MTUS2: variants seen among roughly 807,000 people sequenced by gnomAD.
MTUS2 encodes the protein microtubule-associated tumor suppressor candidate 2.
Under a neutral mutation model 114.1 loss-of-function variants are expected in MTUS2, and 40 were observed. The ratio of observed to expected loss-of-function variants is 0.35; its 90% CI spans 0.27 to 0.46. The LOEUF (loss-of-function observed/expected upper bound fraction) is 0.46. MTUS2 is among the 20% of genes least tolerant of loss of function. The pLI, the probability that MTUS2 is intolerant of heterozygous loss-of-function variation, is 1.00. For missense variants in MTUS2, 1,679 were observed against 1,705.4 expected (o/e 0.98, Z 0.27); for synonymous variants, 688 against 672.0 (o/e 1.02, Z -0.37).
In MTUS2 at chr13:29,181,788, CTGTGTGTG is replaced by C. The variant is rs34853883; in HGVS notation, c.2644+80846_2644+80853del. ...AGAAATCATTATAATTTATATACTACTGTGTGTGTGTGTGTGTGTGTGTGTGTGTGTGT... is the reference window on the plus strand; with the variant it reads ...AGAAATCATTATAATTTATATACTACTGTGTGTGTGTGTGTGTGTGTGTGT... On this transcript the variant is annotated intron_variant, in intron 5 of 15. Transcript: ENST00000612955. Among the ~76,000 whole-genome samples, 791 of 146,762 alleles carry C rather than the reference CTGTGTGTG, an allele frequency of 5.4e-3. 5 individuals are homozygous for C. Among genetic ancestry groups the C allele is most frequent in the African/African-American group, 0.017 (661 of 39,820 alleles).
At chr13:28,937,426 G>A (rs756600127) in intron 2 of MTUS2, among the ~76,000 whole-genome samples, 3 of 152,094 alleles carry the variant, frequency 2.0e-5, no homozygotes, top group Non-Finnish European at 4.4e-5. Flanking sequence ...AGCCATCAGC[G>A]GCAACCCGCT....
At chr13:29,327,408 C>T (rs1413657155) in intron 7 of MTUS2, among the ~76,000 whole-genome samples, 1 of 152,104 alleles carries the variant, frequency 6.6e-6, no homozygotes, top group Non-Finnish European at 1.5e-5. Context: ...CATTCTACAC[C>T]CCCACCCCAA....
intron 5 of MTUS2, among the ~76,000 whole-genome samples, chr13:29,131,297 T>C (rs1433702933): frequency 6.6e-6 from 1 of 152,246 alleles, no homozygotes; most frequent in Non-Finnish European, 1.5e-5. Context: ...GTTTTGGAGA[T>C]TGACAGAACC....
chr13:28,866,879 T>C (rs1877330984), intron 2 of MTUS2, among the ~76,000 whole-genome samples: 1 of 152,104 alleles, frequency 6.6e-6, no homozygotes, highest in South Asian at 2.1e-4. Context: ...TAATATATTA[T>C]GAGGATTGAC....
At chr13:29,008,851 T>C (rs1885714620) in intron 2 of MTUS2, among the ~76,000 whole-genome samples, 1 of 152,120 alleles carries the variant, frequency 6.6e-6, no homozygotes, top group Non-Finnish European at 1.5e-5. Flanking sequence ...GCCCTTTTAA[T>C]TGGGAGACTT....
chr13:29,085,692 T>C (rs187999949), intron 4 of MTUS2, among the ~76,000 whole-genome samples: 7 of 152,338 alleles, frequency 4.6e-5, no homozygotes, highest in East Asian at 3.9e-4. Flanking sequence ...CCACCATTCA[T>C]TGGGCACCTA....
intron 2 of MTUS2, among the ~76,000 whole-genome samples, chr13:28,882,032 C>T (rs1878320890): frequency 6.6e-6 from 1 of 152,144 alleles, no homozygotes; most frequent in Non-Finnish European, 1.5e-5. Flanking sequence ...GTCTTCAATC[C>T]TTCCCTCACA....
chr13:29,050,173 A>G (rs1887825275), intron 4 of MTUS2, among the ~76,000 whole-genome samples: 1 of 152,198 alleles, frequency 6.6e-6, no homozygotes, highest in South Asian at 2.1e-4. Context: ...AGGAAACCCA[A>G]AAAGTGTTTT....
intron 6 of MTUS2, among the ~76,000 whole-genome samples, chr13:29,287,716 A>T (rs912683646): frequency 6.6e-6 from 1 of 152,216 alleles, no homozygotes; most frequent in Non-Finnish European, 1.5e-5. Flanking sequence ...ATAAATTTTT[A>T]TGAGTGTAAT....
rs564987538 is a variant in MTUS2, at chr13:29,345,640, A to G, written c.2906-13622A>G. On this transcript the variant is annotated intron_variant, in intron 7 of 15. Coordinates refer to ENST00000612955, the MANE Select transcript of MTUS2 (RefSeq NM_001033602.4). ...TGTGGCTTCATACTCAAACTTCTGA[A>G]TTATTTTTCTGGCAATTCAGAGATT... is the stretch of plus-strand genomic sequence containing the variant. 1.2e-4 allele frequency among the ~76,000 whole-genome samples: 18 copies of G among 152,054 alleles called. No homozygotes were observed. The East Asian group carries it at 3.5e-3, about 30-fold the overall frequency.
intron 8 of MTUS2, among the ~76,000 whole-genome samples, chr13:29,381,530 A>G (rs1024250067): frequency 3.3e-5 from 5 of 152,212 alleles, no homozygotes; most frequent in African/African-American, 9.6e-5. Context: ...CTAACTGTAC[A>G]TTTCCATATT....
At chr13:29,352,705 A>G (rs931493231) in intron 7 of MTUS2, among the ~76,000 whole-genome samples, 3 of 152,180 alleles carry the variant, frequency 2.0e-5, no homozygotes, top group African/African-American at 7.2e-5. Context: ...TGGCTGAATA[A>G]TATTCTGTTG....
At chr13:29,170,793 T>C (rs1337690539) in intron 5 of MTUS2, among the ~76,000 whole-genome samples, 1 of 152,226 alleles carries the variant, frequency 6.6e-6, no homozygotes, top group Non-Finnish European at 1.5e-5. Flanking sequence ...TGACAGATAT[T>C]CTACTTCCCA....
At chr13:29,258,663 T>G (rs1430076221) in intron 5 of MTUS2, among the ~76,000 whole-genome samples, 2 of 152,266 alleles carry the variant, frequency 1.3e-5, no homozygotes, top group Non-Finnish European at 2.9e-5. Flanking sequence ...TTGTTCTATC[T>G]GCTGCCTAAC....
At chr13:29,287,500 A>ATGTGTGTGTGTG (rs11395718) in intron 6 of MTUS2, among the ~76,000 whole-genome samples, 45,076 of 151,720 alleles carry the variant, frequency 0.3, 7,170 homozygotes, top group East Asian at 0.68. Flanking sequence ...ATCACTCTGT[A>ATGTGTGTGTGTG]TGTGTGTGGT....
intron 2 of MTUS2, among the ~76,000 whole-genome samples, chr13:28,845,130 T>A (rs1023987147): frequency 2.6e-5 from 4 of 152,028 alleles, no homozygotes; most frequent in African/African-American, 7.2e-5. Context: ...GTTTTTTTTT[T>A]ATTAAATTTT....
At chr13:28,991,635 T>G (rs1390618198) in intron 2 of MTUS2, among the ~76,000 whole-genome samples, 2 of 152,234 alleles carry the variant, frequency 1.3e-5, no homozygotes, top group Non-Finnish European at 2.9e-5. Context: ...CCCAAAGTGC[T>G]GGGATTACAG....
chr13:28,941,033 AC>A (rs1882205721), intron 2 of MTUS2, among the ~76,000 whole-genome samples: 1 of 151,644 alleles, frequency 6.6e-6, no homozygotes, highest in Non-Finnish European at 1.5e-5. Flanking sequence ...TGATAGCTAT[AC>A]TAAATATGTA....
At chr13:29,180,554 C>T (rs1893955242) in intron 5 of MTUS2, among the ~76,000 whole-genome samples, 1 of 152,214 alleles carries the variant, frequency 6.6e-6, no homozygotes, top group Non-Finnish European at 1.5e-5. Flanking sequence ...CATAGGTGGA[C>T]ATCTGTCTAT....
Sources: allele counts gnomAD v4.1 joint callset (sites outside exome capture counted in the v4.1 genomes callset), GRCh38; gene constraint gnomAD v4.1.1; transcripts MANE v1.5; gene names NCBI Gene and HGNC (gene_info 2026-07-23, HGNC 2026-07-21).